Variants in SLC15A5 observed in about 807,000 individuals in gnomAD.
SLC15A5 encodes Peptide/histidine transporter ENSP00000340402.
A neutral mutation model predicts 56.1 loss-of-function variants in SLC15A5; 58 were observed. The observed-to-expected ratio is 1.03, with a 90% CI of 0.84 to 1.29. The LOEUF (loss-of-function observed/expected upper bound fraction) is 1.29, where lower values mean the gene tolerates loss of function less well. Among genes scored for constraint, SLC15A5 ranks in the 50% most tolerant of loss-of-function variants. The probability of loss-of-function intolerance (pLI) is 0.00; values close to 1 mark genes in which losing one functional copy is unlikely to be tolerated. For missense variants in SLC15A5, 681 were observed against 672.1 expected (o/e 1.01, Z -0.15); for synonymous variants, 264 against 250.5 (o/e 1.05, Z -0.51).
chr12:16,224,750 T>A, intron 5 of SLC15A5, 148 bp from the exon 6 acceptor site: 1 of 840,488 alleles, frequency 1.2e-6, no homozygotes, highest in South Asian at 2.0e-5. Flanking sequence ...TATTATACTT[T>A]AAGTTCTAGG....
intron 7 of SLC15A5, among the ~76,000 whole-genome samples, chr12:16,205,040 A>T (rs1226552615): frequency 6.6e-6 from 1 of 152,136 alleles, no homozygotes; most frequent in Non-Finnish European, 1.5e-5. Context: ...ATATGACATA[A>T]ATCACAATAT....
chr12:16,260,831 G>T (rs1864636730), intron 2 of SLC15A5, among the ~76,000 whole-genome samples: 1 of 151,210 alleles, frequency 6.6e-6, no homozygotes, highest in African/African-American at 2.4e-5. Flanking sequence ...ATTAATTTTA[G>T]TAGAGTGTCA....
At chr12:16,195,088 T>C (rs1863880235) in intron 7 of SLC15A5, among the ~76,000 whole-genome samples, 1 of 152,052 alleles carries the variant, frequency 6.6e-6, no homozygotes, top group Non-Finnish European at 1.5e-5. Context: ...GGATCTGTAC[T>C]TCATTATGAT....
At chr12:16,265,828 A>G (rs940648240) in intron 2 of SLC15A5, among the ~76,000 whole-genome samples, 3 of 151,948 alleles carry the variant, frequency 2.0e-5, no homozygotes, top group Non-Finnish European at 4.4e-5. Context: ...CAATTATTTC[A>G]TTTTTGTCAG....
chr12:16,201,875 T>C (rs1438351722), intron 7 of SLC15A5, among the ~76,000 whole-genome samples: 1 of 152,152 alleles, frequency 6.6e-6, no homozygotes, highest in Non-Finnish European at 1.5e-5. Flanking sequence ...GTACAGTCTC[T>C]TCAATAAATG....
At chr12:16,238,636 A>AG (rs1864376901) in intron 5 of SLC15A5, among the ~76,000 whole-genome samples, 1 of 151,558 alleles carries the variant, frequency 6.6e-6, no homozygotes, top group Admixed American at 6.6e-5. Flanking sequence ...TCTCAAAAAA[A>AG]AAAAAAAAAA....
rs948922285 is a variant in SLC15A5, at chr12:16,201,280, A to C, written c.1484-6827T>G. On this transcript the variant is annotated intron_variant, in intron 7 of 8. Coordinates refer to ENST00000344941, the MANE Select transcript of SLC15A5 (RefSeq NM_001170798.1). ...TATGGAACCACAAAACACTACAAAT[A>C]GACAAAGTAATCTTGAGCAAAAAAC... 2.0e-5 allele frequency among the ~76,000 whole-genome samples: 3 copies of C among 152,186 alleles called. No homozygotes were observed. In the South Asian group the frequency reaches 6.2e-4, roughly 31 times the overall value.
intron 7 of SLC15A5, among the ~76,000 whole-genome samples, chr12:16,205,579 G>A (rs1380742896): frequency 0.095 from 186 of 1,952 alleles, 6 homozygotes; most frequent in Non-Finnish European, 0.1. Flanking sequence ...AGGGAAAGGT[G>A]CATATATATA....
intron 2 of SLC15A5, among the ~76,000 whole-genome samples, chr12:16,260,758 GTT>G (rs36000800): frequency 4.1e-5 from 6 of 147,254 alleles, no homozygotes; most frequent in South Asian, 2.1e-4. Flanking sequence ...GTATTTTCCC[GTT>G]TTTTTTTTTA....
chr12:16,218,521 T>TAC (rs930547650), intron 6 of SLC15A5, among the ~76,000 whole-genome samples: 1 of 152,188 alleles, frequency 6.6e-6, no homozygotes, highest in African/African-American at 2.4e-5. Context: ...TCTAGCCTAC[T>TAC]ACACACCTAG....
chr12:16,220,767 T>C (rs1005650222), intron 6 of SLC15A5, among the ~76,000 whole-genome samples: 7 of 152,098 alleles, frequency 4.6e-5, no homozygotes, highest in Non-Finnish European at 1.0e-4. Flanking sequence ...CAACTTACTC[T>C]CCACTACTCA....
chr12:16,217,620 A>G (rs1169536285), intron 6 of SLC15A5, among the ~76,000 whole-genome samples: 3 of 152,290 alleles, frequency 2.0e-5, no homozygotes, highest in South Asian at 2.1e-4. Context: ...ACTTACCTGC[A>G]ATACTACATG....
At position 16,189,811 on chromosome 12, in the gene SLC15A5, A is replaced by G; in HGVS notation, c.1597T>C (p.Cys533Arg). The change falls in exon 9 of 9, where the codon TGT (cysteine) becomes CGT (arginine). Residue 533 changes from cysteine to arginine, a missense_variant. Coordinates refer to ENST00000344941, the MANE Select transcript of SLC15A5 (RefSeq NM_001170798.1). Reference protein sequence around the residue: ...LGFCSVSQRYCNLNHFNAQNI... With the variant: ...LGFCSVSQRYRNLNHFNAQNI... ...TGGGCATTAAAATGATTTAGATTAC[A>G]ATATCTAAAAAAGAAAGAAAGAAAG... The G allele has an allele frequency of 1.3e-6, 2 of 1,481,578 alleles. No individual in the cohort carries two copies. The highest frequency in any genetic ancestry group is 1.3e-5 in the South Asian group (1 of 74,370). 91.8% of individuals were successfully genotyped at this position (1,481,578 alleles called of 1,614,324 possible).
At chr12:16,202,594 T>A (rs528711808) in intron 7 of SLC15A5, among the ~76,000 whole-genome samples, 1 of 152,280 alleles carries the variant, frequency 6.6e-6, no homozygotes, top group South Asian at 2.1e-4. Context: ...CCAGCAATGC[T>A]ACTACTGGAT....
intron 6 of SLC15A5, among the ~76,000 whole-genome samples, chr12:16,219,032 A>G (rs1864160336): frequency 6.6e-6 from 1 of 152,130 alleles, no homozygotes; most frequent in Non-Finnish European, 1.5e-5. Context: ...ATAAAGATTT[A>G]AAGGAATCCC....
At chr12:16,218,240 A>G (rs1224793336) in intron 6 of SLC15A5, among the ~76,000 whole-genome samples, 1 of 152,180 alleles carries the variant, frequency 6.6e-6, no homozygotes, top group Non-Finnish European at 1.5e-5. Flanking sequence ...AATTGTAAGG[A>G]AATACACTAA....
At chr12:16,222,100 A>T (rs1371804658) in intron 6 of SLC15A5, among the ~76,000 whole-genome samples, 3 of 152,226 alleles carry the variant, frequency 2.0e-5, no homozygotes, top group Non-Finnish European at 4.4e-5. Flanking sequence ...TTTAGTAATG[A>T]TAACAACACA....
At chr12:16,257,238 A>G (rs1409006405) in intron 3 of SLC15A5, among the ~76,000 whole-genome samples, 2 of 152,136 alleles carry the variant, frequency 1.3e-5, no homozygotes, top group East Asian at 3.9e-4. Flanking sequence ...AAATAAATAT[A>G]ACAAAATACA....
chr12:16,234,377 A>G (rs962848135), intron 5 of SLC15A5, among the ~76,000 whole-genome samples: 3 of 152,186 alleles, frequency 2.0e-5, no homozygotes, highest in African/African-American at 7.2e-5. Context: ...CATATTTTAG[A>G]GTATTTAAGG....
Sources: allele counts gnomAD v4.1 joint callset (sites outside exome capture counted in the v4.1 genomes callset), GRCh38; gene constraint gnomAD v4.1.1; transcripts MANE v1.5; gene names NCBI Gene and HGNC (gene_info 2026-07-23, HGNC 2026-07-21).